STXBP5L: variants seen among roughly 807,000 people sequenced by gnomAD.
STXBP5L encodes the protein syntaxin binding protein 5L, also known as syntaxin-binding protein 5-like.
A neutral mutation model predicts 144.5 loss-of-function variants in STXBP5L; 65 were observed. That is an observed-to-expected ratio of 0.45 (90% CI 0.37 to 0.55). The LOEUF is 0.55. STXBP5L is among the 20% of genes least tolerant of loss of function. STXBP5L has a pLI of 0.00. For missense variants in STXBP5L, 1,298 were observed against 1,405.5 expected, an observed-to-expected ratio of 0.92 and a Z score of 1.22; for synonymous variants, 505 against 469.6, an observed-to-expected ratio of 1.08 and a Z score of -0.97.
chr3:121,315,314 G>T (rs915175604), intron 19 of STXBP5L, among the ~76,000 whole-genome samples: 3 of 152,050 alleles, frequency 2.0e-5, no homozygotes, highest in African/African-American at 7.2e-5. Context: ...CATAAAAATG[G>T]ATGAGTTCAT....
intron 19 of STXBP5L, among the ~76,000 whole-genome samples, chr3:121,292,888 G>A (rs1012391468): frequency 6.6e-6 from 1 of 152,134 alleles, no homozygotes; most frequent in Non-Finnish European, 1.5e-5. Context: ...CAAGGGAAAG[G>A]GTGGGAGGTA....
At chr3:121,203,180 T>C (rs2048205266) in intron 9 of STXBP5L, among the ~76,000 whole-genome samples, 1 of 152,126 alleles carries the variant, frequency 6.6e-6, no homozygotes, top group Admixed American at 6.6e-5. Flanking sequence ...TTTTGAAACA[T>C]TGCTTTACAC....
chr3:121,334,880 C>A (rs1386814487), intron 20 of STXBP5L, among the ~76,000 whole-genome samples: 1 of 152,190 alleles, frequency 6.6e-6, no homozygotes, highest in Admixed American at 6.5e-5. Context: ...AAGCTGGAAG[C>A]ATTCCCCTTG....
At chr3:121,301,993 T>C (rs2108492229) in intron 19 of STXBP5L, among the ~76,000 whole-genome samples, 1 of 152,342 alleles carries the variant, frequency 6.6e-6, no homozygotes, top group East Asian at 1.9e-4. Context: ...TCAGGGATAT[T>C]GGTCTAAAAT....
At chr3:121,374,596 C>CA (rs1297916244) in intron 20 of STXBP5L, among the ~76,000 whole-genome samples, 1 of 151,862 alleles carries the variant, frequency 6.6e-6, no homozygotes, top group African/African-American at 2.4e-5. Context: ...AGAAATTCAA[C>CA]AAAGAGATAG....
At chr3:121,349,916 T>G (rs2045197829) in intron 20 of STXBP5L, among the ~76,000 whole-genome samples, 1 of 152,160 alleles carries the variant, frequency 6.6e-6, no homozygotes, top group South Asian at 2.1e-4. Flanking sequence ...TTATCCAATT[T>G]GCCAGTCTGT....
chr3:121,197,417 C>T (rs974720123), intron 9 of STXBP5L, among the ~76,000 whole-genome samples: 1 of 151,948 alleles, frequency 6.6e-6, no homozygotes, highest in East Asian at 1.9e-4. Context: ...TATGTTCATG[C>T]CTTTTTTCCT....
intron 3 of STXBP5L, among the ~76,000 whole-genome samples, chr3:121,031,394 G>T (rs1175693203): frequency 1.9e-5 from 2 of 106,258 alleles, no homozygotes; most frequent in African/African-American, 7.4e-5. Flanking sequence ...TTCTATTTCT[G>T]TCTATTCATC....
chr3:120,908,730 C>T (rs566246825), intron 1 of STXBP5L, among the ~76,000 whole-genome samples: 1 of 151,396 alleles, frequency 6.6e-6, no homozygotes. Flanking sequence ...AGAGCGGCTG[C>T]CGTGCAGCGG....
intron 5 of STXBP5L, among the ~76,000 whole-genome samples, chr3:121,103,241 T>C (rs2043521184): frequency 6.6e-6 from 1 of 152,088 alleles, no homozygotes; most frequent in African/African-American, 2.4e-5. Flanking sequence ...ATGTCACATG[T>C]ATGTTCATTG....
intron 5 of STXBP5L, among the ~76,000 whole-genome samples, chr3:121,107,728 G>GT (rs149654510): frequency 0.099 from 15,101 of 152,072 alleles, 1,185 homozygotes; most frequent in Admixed American, 0.2. Context: ...TTTTAAAGTA[G>GT]TTTTTTCTAA....
At position 121,349,263 on chromosome 3, in the gene STXBP5L, C is replaced by T. The variant is rs529252182; in HGVS notation, c.2177-29453C>T. ...GTTGTTCAGTTTCCATGAAGTTGAG[C>T]GGTTTTGAGTGAGTTTCTTAATCCT... On this transcript the variant is annotated intron_variant, in intron 20 of 26. Coordinates refer to ENST00000471454, the MANE Select transcript of STXBP5L (RefSeq NM_001308330.2). Among the ~76,000 whole-genome samples, 42 of 152,140 alleles carry T rather than the reference C, an allele frequency of 2.8e-4. 1 individual carries two copies. Among genetic ancestry groups the T allele is most frequent in the East Asian group, 2.7e-3 (14 of 5,190 alleles).
At chr3:121,058,577 T>A (rs926463005) in intron 5 of STXBP5L, among the ~76,000 whole-genome samples, 4 of 152,208 alleles carry the variant, frequency 2.6e-5, no homozygotes, top group Non-Finnish European at 5.9e-5. Flanking sequence ...GCTGAACTAA[T>A]TTACACTCCC....
chr3:121,000,903 G>A (rs933865618), intron 3 of STXBP5L, among the ~76,000 whole-genome samples: 2 of 152,150 alleles, frequency 1.3e-5, no homozygotes, highest in Non-Finnish European at 2.9e-5. Flanking sequence ...AGCACTCTTG[G>A]GCTGTGCACT....
At chr3:121,018,652 C>T (rs1045904939) in intron 3 of STXBP5L, among the ~76,000 whole-genome samples, 4 of 151,480 alleles carry the variant, frequency 2.6e-5, no homozygotes, top group Non-Finnish European at 4.4e-5. Context: ...CAGAAGAAAA[C>T]CTAGGTGATG....
Position 121,152,507 on chromosome 3 carries a change from G to C in STXBP5L, c.700G>C (p.Val234Leu). The change falls in exon 8 of 27, where the codon GTA (valine) becomes CTA (leucine). Residue 234 changes from valine (V) to leucine (L), a missense_variant. Val to Leu is a conservative substitution (Grantham distance 32). Transcript: ENST00000471454. Reference sequence around the variant, plus strand: ...AATAGGTTATGAAAATGGTACTGTAGTATTCTGGGACTTGAAATCTAAAAG... The same window carrying C: ...AATAGGTTATGAAAATGGTACTGTACTATTCTGGGACTTGAAATCTAAAAG... The part of the protein sequence containing the change: ...LLIGYENGTV[V>L]FWDLKSKRAE... 6.2e-7 allele frequency: 1 copy of C among 1,609,684 alleles called. No homozygotes were observed. The highest frequency in any genetic ancestry group is 8.5e-7 in the Non-Finnish European group (1 of 1,178,080).
intron 3 of STXBP5L, among the ~76,000 whole-genome samples, chr3:121,007,538 C>G (rs1029677031): frequency 6.6e-5 from 10 of 151,884 alleles, no homozygotes; most frequent in African/African-American, 1.5e-4. Flanking sequence ...AAGTTTTAAA[C>G]TAGAAATTAA....
intron 20 of STXBP5L, among the ~76,000 whole-genome samples, chr3:121,358,548 G>A (rs773210540): frequency 2.6e-5 from 4 of 152,160 alleles, no homozygotes; most frequent in South Asian, 4.2e-4. Context: ...GCAGCACTAG[G>A]GGGATTGTGC....
chr3:120,911,408 T>C (rs936309707), intron 2 of STXBP5L, among the ~76,000 whole-genome samples: 1 of 152,066 alleles, frequency 6.6e-6, no homozygotes, highest in African/African-American at 2.4e-5. Context: ...AAATTTGTGT[T>C]TTATTTAAAG....
Sources: gnomAD v4.1 joint callset for allele counts (sites outside exome capture counted in the v4.1 genomes callset) on GRCh38, gnomAD v4.1.1 for gene constraint, MANE v1.5 for transcripts, NCBI Gene and HGNC (gene_info 2026-07-23, HGNC 2026-07-21) for gene names.